MYO1D: variants seen among roughly 807,000 people sequenced by gnomAD.
MYO1D encodes unconventional myosin-Id.
A neutral mutation model predicts 122.0 loss-of-function variants in MYO1D; 83 were observed. The observed-to-expected ratio is 0.68, with a 90% CI of 0.57 to 0.82. The LOEUF is 0.82. MYO1D is among the 40% of genes least tolerant of loss of function. MYO1D has a pLI of 0.00. For missense variants in MYO1D, 1,157 were observed against 1,269.5 expected, an observed-to-expected ratio of 0.91 and a Z score of 1.35; for synonymous variants, 464 against 446.9, an observed-to-expected ratio of 1.04 and a Z score of -0.48.
intron 21 of MYO1D, among the ~76,000 whole-genome samples, chr17:32,528,086 C>T (rs1196479490): frequency 6.6e-6 from 1 of 152,184 alleles, no homozygotes; most frequent in African/African-American, 2.4e-5. Context: ...ATCCACATAC[C>T]TCAGCCTCCC....
intron 16 of MYO1D, among the ~76,000 whole-genome samples, chr17:32,672,729 A>C (rs1246125937): frequency 1.3e-5 from 2 of 152,112 alleles, no homozygotes; most frequent in East Asian, 3.9e-4. Flanking sequence ...CAGGTGATCC[A>C]CCTGCCTCAG....
chr17:32,697,960 T>C (rs1298141338), intron 16 of MYO1D, among the ~76,000 whole-genome samples: 1 of 152,248 alleles, frequency 6.6e-6, no homozygotes. Context: ...GATGCCACTA[T>C]GGTACAAAAG....
intron 11 of MYO1D, among the ~76,000 whole-genome samples, chr17:32,750,063 G>T (rs950445865): frequency 1.3e-5 from 2 of 152,164 alleles, no homozygotes; most frequent in Non-Finnish European, 2.9e-5. Flanking sequence ...GTACATGGAG[G>T]CCTGGCTCAT....
chr17:32,512,369 A>C (rs904039148), intron 21 of MYO1D, among the ~76,000 whole-genome samples: 3 of 152,046 alleles, frequency 2.0e-5, no homozygotes, highest in Non-Finnish European at 2.9e-5. Flanking sequence ...AATAATAAAA[A>C]GGCCTCAGTT....
Position 32,707,405 on chromosome 17 carries a change from G to A in MYO1D, c.2121+4583C>T, listed in dbSNP as rs145036942. ...AAAATTTAGAGAAAAGAGTTCACTT[G>A]CATTGTGGGTTGAAATATGATTTCT... On this transcript the variant is annotated intron_variant, in intron 16 of 21. Coordinates refer to ENST00000318217, the MANE Select transcript of MYO1D (RefSeq NM_015194.3). Among the ~76,000 whole-genome samples, 1,189 of 152,264 alleles carry A rather than the reference G, an allele frequency of 7.8e-3. 17 individuals are homozygous for A. The highest frequency in any genetic ancestry group is 0.027 in the African/African-American group (1,116 of 41,564).
At chr17:32,772,981 A>T in intron 4 of MYO1D, 139 bp from the exon 5 acceptor site, 1 of 702,256 alleles carries the variant, frequency 1.4e-6, no homozygotes, top group Non-Finnish European at 2.6e-6. Flanking sequence ...CAACTGAAGA[A>T]TCACATAAGA....
intron 1 of MYO1D, among the ~76,000 whole-genome samples, chr17:32,829,419 T>C (rs1181972435): frequency 6.6e-6 from 1 of 152,228 alleles, no homozygotes; most frequent in Non-Finnish European, 1.5e-5. Context: ...GTTCAATTAC[T>C]TTCTAGGGGT....
At chr17:32,520,621 G>A (rs1233607696) in intron 21 of MYO1D, among the ~76,000 whole-genome samples, 1 of 152,208 alleles carries the variant, frequency 6.6e-6, no homozygotes. Context: ...CCTCCCGACT[G>A]CCCTGCTCGC....
chr17:32,622,134 A>G (rs1323219649), intron 20 of MYO1D, among the ~76,000 whole-genome samples: 1 of 151,760 alleles, frequency 6.6e-6, no homozygotes, highest in Non-Finnish European at 1.5e-5. Context: ...CCTTTCTCAC[A>G]CTCTGCTACC....
intron 10 of MYO1D, among the ~76,000 whole-genome samples, chr17:32,758,060 A>G (rs541178811): frequency 1.3e-5 from 2 of 152,248 alleles, no homozygotes; most frequent in Admixed American, 6.5e-5. Context: ...AGTCTATGAA[A>G]TGGGCTGTGG....
intron 21 of MYO1D, among the ~76,000 whole-genome samples, chr17:32,526,659 T>G (rs1052251307): frequency 2.0e-5 from 3 of 151,904 alleles, no homozygotes; most frequent in Admixed American, 2.0e-4. Flanking sequence ...CAAGGTATAG[T>G]TATTATTTTT....
chr17:32,759,899 A>G (rs1010079276), intron 10 of MYO1D: 3 of 511,280 alleles, frequency 5.9e-6, no homozygotes, highest in Non-Finnish European at 6.9e-6. Flanking sequence ...TATAGTCTAC[A>G]AAGTAGAAGA....
Position 32,727,795 on chromosome 17 carries a change from A to G in MYO1D, c.1747-6606T>C, listed in dbSNP as rs190746395. ...AAAAAATCAAAGCTAACTATATGCT[A>G]CTTATGAGAGACACACTTGAAACAT... is the stretch of plus-strand genomic sequence containing the variant. On this transcript the variant is annotated intron_variant, in intron 14 of 21. Coordinates refer to ENST00000318217, the MANE Select transcript of MYO1D (RefSeq NM_015194.3). Among the ~76,000 whole-genome samples the G allele has an allele frequency of 3.2e-4, 48 of 152,342 alleles. 1 individual carries two copies. The highest frequency in any genetic ancestry group is 6.8e-3 in the Middle Eastern group (2 of 294).
intron 16 of MYO1D, chr17:32,686,634 G>A (rs1325372206): frequency 6.6e-6 from 1 of 152,222 alleles, no homozygotes; most frequent in East Asian, 1.9e-4. Context: ...GGGAGGCTGA[G>A]ACAGGAGGAT....
intron 19 of MYO1D, 96 bp downstream of exon 19, chr17:32,653,747 G>T: frequency 1.0e-6 from 1 of 971,344 alleles, no homozygotes; most frequent in Non-Finnish European, 1.6e-6. Flanking sequence ...AGCTAGTTAT[G>T]TACCTACTGT....
intron 16 of MYO1D, among the ~76,000 whole-genome samples, chr17:32,710,805 A>G (rs896915610): frequency 5.9e-5 from 9 of 152,218 alleles, no homozygotes; most frequent in African/African-American, 2.2e-4. Context: ...CAGCAAGCAA[A>G]GAAGCATTTA....
intron 10 of MYO1D, chr17:32,756,179 T>C (rs2089945620): frequency 4.4e-6 from 1 of 224,722 alleles, no homozygotes; most frequent in East Asian, 6.4e-5. Context: ...TAACGATGGC[T>C]GCAGTTGCCA....
intron 1 of MYO1D, among the ~76,000 whole-genome samples, chr17:32,809,146 A>AC (rs2090547232): frequency 1.3e-5 from 2 of 151,696 alleles, no homozygotes; most frequent in African/African-American, 2.4e-5. Flanking sequence ...AAAAAAAAAA[A>AC]AAAAACTGTC....
intron 20 of MYO1D, among the ~76,000 whole-genome samples, chr17:32,635,797 G>A (rs1443880108): frequency 6.6e-6 from 1 of 152,158 alleles, no homozygotes; most frequent in East Asian, 1.9e-4. Flanking sequence ...AGCCTCTATA[G>A]AAGGAGAAAT....
Sources: gnomAD v4.1 joint callset for allele counts (sites outside exome capture counted in the v4.1 genomes callset) on GRCh38, gnomAD v4.1.1 for gene constraint, MANE v1.5 for transcripts, NCBI Gene and HGNC (gene_info 2026-07-23, HGNC 2026-07-21) for gene names.